OCA2: variants seen among roughly 807,000 people sequenced by gnomAD.
The protein encoded by OCA2 is P protein.
A neutral mutation model predicts 100.2 loss-of-function variants in OCA2; 77 were observed. That is an observed-to-expected ratio of 0.77 (90% confidence interval 0.64 to 0.93). The LOEUF (loss-of-function observed/expected upper bound fraction) is 0.93, where lower values mean the gene tolerates loss of function less well. Ranked by LOEUF, OCA2 falls within the 40% of genes least tolerant of loss-of-function variation. The pLI is 0.00. For missense variants in OCA2, 1,062 were observed against 1,089.1 expected, an observed-to-expected ratio of 0.98 and a Z score of 0.35; for synonymous variants, 432 against 439.2, an observed-to-expected ratio of 0.98 and a Z score of 0.21.
chr15:27,987,602 G>A (rs931820752), intron 11 of OCA2, among the ~76,000 whole-genome samples: 4 of 151,364 alleles, frequency 2.6e-5, no homozygotes, highest in Non-Finnish European at 5.9e-5. Flanking sequence ...GGTGGCGGGC[G>A]CCTGTAGTCC....
chr15:27,755,584 G>C (rs962511400), intron 23 of OCA2, 112 bp from the exon 24 acceptor site: 3 of 778,526 alleles, frequency 3.9e-6, no homozygotes, highest in Non-Finnish European at 6.8e-6. Context: ...TTTCACAATG[G>C]CCACTACCTT....
In OCA2 at chr15:28,043,413, G is replaced by A. The variant is rs1050135071; in HGVS notation, c.228-11250C>T. 6.6e-6 allele frequency among the ~76,000 whole-genome samples: 1 copy of A among 152,134 alleles called. No homozygotes were observed. Among genetic ancestry groups the A allele is most frequent in the African/African-American group, 2.4e-5 (1 of 41,418 alleles). ...CCAGCTTGCTGTGAAGCTGGTGATC[G>A]CTCAATAAATCTCCAAAAATCACAA... On this transcript the variant is annotated intron_variant, in intron 2 of 23. Transcript: ENST00000354638. The surrounding 1 kb of genome is among the most constrained non-coding windows in gnomAD (Gnocchi z 4.4).
chr15:27,923,460 C>T (rs1057380744), intron 19 of OCA2, among the ~76,000 whole-genome samples: 2 of 152,184 alleles, frequency 1.3e-5, no homozygotes, highest in Non-Finnish European at 2.9e-5. Context: ...AATGGTTGAA[C>T]TAATTTACAC....
chr15:27,729,063 C>G, the OCA2 span, among the ~76,000 whole-genome samples: 3 of 152,286 alleles, frequency 2.0e-5, no homozygotes, highest in East Asian at 5.8e-4. Flanking sequence ...CTGCTTTCCA[C>G]GCCTGCAAGA....
chr15:28,080,256 G>A (rs1172346032), intron 2 of OCA2, among the ~76,000 whole-genome samples: 1 of 152,194 alleles, frequency 6.6e-6, no homozygotes, highest in African/African-American at 2.4e-5. Flanking sequence ...TTAATACTCA[G>A]AATATTCCAT....
At chr15:27,989,979 G>A (rs532019166) in intron 10 of OCA2, among the ~76,000 whole-genome samples, 2 of 152,236 alleles carry the variant, frequency 1.3e-5, no homozygotes, top group Admixed American at 6.5e-5. Context: ...CTGCAGTGCC[G>A]TGCCTGAGAC....
Position 27,755,473 on chromosome 15 carries a change from C to A in OCA2, c.2433-1G>T. The A allele has an allele frequency of 6.2e-7, 1 of 1,612,048 alleles. No individual in the cohort carries two copies. Among genetic ancestry groups the A allele is most frequent in the African/African-American group, 1.3e-5 (1 of 75,002 alleles). ...CACAACCATCATTGGGAAGCCCAGC[C>A]TGAAATACAAAGAGAAATGAGTTAT... On this transcript the variant is annotated splice_acceptor_variant, in intron 23 of 23. Transcript: ENST00000354638. LOFTEE classifies it high-confidence loss of function.
chr15:27,840,091 GA>G (rs1257139591), intron 23 of OCA2, among the ~76,000 whole-genome samples: 1 of 152,050 alleles, frequency 6.6e-6, no homozygotes, highest in Non-Finnish European at 1.5e-5. Flanking sequence ...TCGGAGGAAA[GA>G]GCTTAGCCTT....
intron 9 of OCA2, among the ~76,000 whole-genome samples, chr15:28,003,457 C>T (rs1233757874): frequency 1.3e-5 from 2 of 152,294 alleles, no homozygotes; most frequent in East Asian, 1.9e-4. Flanking sequence ...CCGTGCCCCA[C>T]GCGCGCTGCC....
intron 18 of OCA2, among the ~76,000 whole-genome samples, chr15:27,933,235 T>C (rs929255880): frequency 1.3e-5 from 2 of 151,854 alleles, no homozygotes; most frequent in African/African-American, 2.4e-5. Flanking sequence ...AAAGAAAACA[T>C]GGAGGAAAAT....
At chr15:27,918,089 ATTT>A (rs34943192) in intron 19 of OCA2, among the ~76,000 whole-genome samples, 5,525 of 103,230 alleles carry the variant, frequency 0.054, 270 homozygotes, top group African/African-American at 0.18. Context: ...CTCCCTCTTG[ATTT>A]TTTTTTTTTT....
At chr15:27,750,973 G>A (rs564502685), downstream of OCA2, among the ~76,000 whole-genome samples, 49 of 152,166 alleles carry the variant, frequency 3.2e-4, no homozygotes, top group Non-Finnish European at 5.6e-4. Flanking sequence ...GTCATTGATT[G>A]AAGAGAGGTC....
intron 23 of OCA2, among the ~76,000 whole-genome samples, chr15:27,793,370 C>T (rs1168589686): frequency 6.6e-6 from 1 of 151,250 alleles, no homozygotes; most frequent in Non-Finnish European, 1.5e-5. Flanking sequence ...TTTTAACATG[C>T]CCACCTGGTA....
At chr15:28,090,856 T>C (rs772544860) in intron 1 of OCA2, among the ~76,000 whole-genome samples, 2 of 151,476 alleles carry the variant, frequency 1.3e-5, no homozygotes, top group Non-Finnish European at 2.9e-5. Flanking sequence ...ATCAGTGAAA[T>C]AGAAAACAAA....
At chr15:27,918,647 A>G (rs1191997947) in intron 19 of OCA2, among the ~76,000 whole-genome samples, 1 of 152,202 alleles carries the variant, frequency 6.6e-6, no homozygotes, top group South Asian at 2.1e-4. Context: ...TTATATCCCT[A>G]TAGTTTCCAG....
At chr15:27,824,205 TA>T (rs1213945981) in intron 23 of OCA2, among the ~76,000 whole-genome samples, 10 of 151,998 alleles carry the variant, frequency 6.6e-5, no homozygotes, top group Non-Finnish European at 1.0e-4. Flanking sequence ...CCATCTCTAC[TA>T]AAAATACAAA....
chr15:27,824,524 G>A (rs2034625616), intron 23 of OCA2, among the ~76,000 whole-genome samples: 1 of 146,494 alleles, frequency 6.8e-6, no homozygotes, highest in Non-Finnish European at 1.5e-5. Flanking sequence ...AGAGGGGCAG[G>A]CACTTATGTG....
chr15:28,019,808 G>C (rs74682908), intron 6 of OCA2, among the ~76,000 whole-genome samples: 2,007 of 152,264 alleles, frequency 0.013, 52 homozygotes, highest in African/African-American at 0.047. Flanking sequence ...ATCACCTTGT[G>C]GGGGGCAGGG....
At chr15:27,896,909 G>A (rs2037717383) in intron 19 of OCA2, among the ~76,000 whole-genome samples, 1 of 152,174 alleles carries the variant, frequency 6.6e-6, no homozygotes, top group African/African-American at 2.4e-5. Flanking sequence ...CTTCTTGGCA[G>A]GCCAGGCGCA....
Sources: gnomAD v4.1 joint callset for allele counts (sites outside exome capture counted in the v4.1 genomes callset) on GRCh38, gnomAD v4.1.1 for gene constraint, Gnocchi (gnomAD v3.1) non-coding constraint, MANE v1.5 for transcripts, NCBI Gene and HGNC (gene_info 2026-07-23, HGNC 2026-07-21) for gene names.